EMB: variants seen among roughly 807,000 people sequenced by gnomAD.
EMB encodes the protein embigin.
Under a neutral mutation model 41.4 loss-of-function variants are expected in EMB, and 31 were observed. That is an observed-to-expected ratio of 0.75 (90% CI 0.56 to 1.01). The LOEUF (loss-of-function observed/expected upper bound fraction) is 1.01. Among genes scored for constraint, EMB ranks in the 50% least tolerant of loss-of-function variants. EMB has a pLI of 0.00. For missense variants in EMB, 379 were observed against 388.3 expected, an observed-to-expected ratio of 0.98 and a Z score of 0.20; for synonymous variants, 137 against 140.4, an observed-to-expected ratio of 0.98 and a Z score of 0.17.
chr5:50,411,489 T>C (rs971411765), intron 2 of EMB, 106 bp from the exon 3 acceptor site: 3 of 738,726 alleles, frequency 4.1e-6, no homozygotes, highest in Non-Finnish European at 6.1e-6. Flanking sequence ...AATTTCTTAA[T>C]GTAACATTCA....
At chr5:50,431,990 T>C (rs1745727805) in intron 1 of EMB, among the ~76,000 whole-genome samples, 1 of 152,240 alleles carries the variant, frequency 6.6e-6, no homozygotes, top group Non-Finnish European at 1.5e-5. Flanking sequence ...TATAATTTAT[T>C]CTATTAACAC....
At chr5:50,411,563 C>A in intron 2 of EMB, 180 bp from the exon 3 acceptor site, 2 of 467,270 alleles carry the variant, frequency 4.3e-6, no homozygotes, top group Non-Finnish European at 7.5e-6. Context: ...TATATGCACA[C>A]CTAAAGAAAA....
At chr5:50,428,070 CAGT>C (rs1476904402) in intron 2 of EMB, 71 bp downstream of exon 2, 1 of 1,028,246 alleles carries the variant, frequency 9.7e-7, no homozygotes, top group African/African-American at 1.6e-5. Context: ...AAGCAAAAAG[CAGT>C]AGCTTTGTTT....
rs1273320726 is a variant in EMB, at chr5:50,397,354, T to A, written c.*1919A>T. ...CCTATTTAAGGTTACTGAGATAAAT[T>A]GTCTTTGCTAGAAAAAAATAAACAG... On this transcript the variant is annotated 3_prime_UTR_variant, in exon 9 of 9. Transcript: ENST00000303221. The A allele has an allele frequency of 6.6e-6, 1 of 152,102 alleles. No homozygotes were observed. Among genetic ancestry groups the A allele is most frequent in the African/African-American group, 2.4e-5 (1 of 41,440 alleles). 9.4% of individuals were successfully genotyped at this position (152,102 alleles called of 1,614,324 possible).
chr5:50,402,173 T>C (rs569233728), intron 7 of EMB, 113 bp downstream of exon 7: 10 of 1,114,670 alleles, frequency 9.0e-6, no homozygotes, highest in East Asian at 2.5e-5. Flanking sequence ...CGTGGACATA[T>C]ACAGAAAATA....
intron 4 of EMB, among the ~76,000 whole-genome samples, chr5:50,408,758 C>A (rs1463309523): frequency 1.3e-5 from 2 of 151,960 alleles, no homozygotes; most frequent in African/African-American, 4.8e-5. Flanking sequence ...TATAATAGGA[C>A]ATTTATAAAA....
intron 2 of EMB, among the ~76,000 whole-genome samples, chr5:50,417,208 A>T (rs546186257): frequency 6.6e-6 from 1 of 152,336 alleles, no homozygotes; most frequent in South Asian, 2.1e-4. Flanking sequence ...ATGTCTATTA[A>T]ACATCCAGAA....
chr5:50,409,593 AG>A (rs1745302173), intron 4 of EMB, among the ~76,000 whole-genome samples: 1 of 151,854 alleles, frequency 6.6e-6, no homozygotes, highest in South Asian at 2.1e-4. Flanking sequence ...GGAAGGAAGG[AG>A]GCAGGAAGGG....
intron 2 of EMB, among the ~76,000 whole-genome samples, chr5:50,419,111 G>A (rs372231187): frequency 1.3e-5 from 2 of 152,188 alleles, no homozygotes; most frequent in African/African-American, 4.8e-5. Flanking sequence ...CAAGATCCAG[G>A]CTGAGGTAGC....
At chr5:50,436,933 A>G (rs1745813519) in intron 1 of EMB, among the ~76,000 whole-genome samples, 1 of 152,238 alleles carries the variant, frequency 6.6e-6, no homozygotes, top group African/African-American at 2.4e-5. Flanking sequence ...TTGTGATGAT[A>G]AATTTAGGGT....
intron 2 of EMB, among the ~76,000 whole-genome samples, chr5:50,421,174 C>A (rs984595314): frequency 1.1e-4 from 16 of 152,090 alleles, no homozygotes; most frequent in Non-Finnish European, 4.4e-5. Flanking sequence ...CAGTCAAATT[C>A]CAAGAGTATT....
intron 7 of EMB, among the ~76,000 whole-genome samples, chr5:50,401,964 C>T (rs548075077): frequency 6.1e-4 from 93 of 152,006 alleles, no homozygotes; most frequent in African/African-American, 2.2e-3. Context: ...TTACTGCACA[C>T]CTTCTGTGCA....
At chr5:50,440,783 C>CTCGCGGGGCGCTGTTCGTTCAA (rs1745893981) in intron 1 of EMB, among the ~76,000 whole-genome samples, 1 of 152,136 alleles carries the variant, frequency 6.6e-6, no homozygotes, top group Non-Finnish European at 1.5e-5. Flanking sequence ...ACGCGCCCGA[C>CTCGCGGGGCGCTGTTCGTTCAA]TCGCGGGGCG....
intron 4 of EMB, among the ~76,000 whole-genome samples, chr5:50,407,572 C>T (rs1388227057): frequency 6.6e-6 from 1 of 151,872 alleles, no homozygotes; most frequent in Admixed American, 6.6e-5. Flanking sequence ...TACCATAAAC[C>T]ATGCTTTTGT....
chr5:50,421,590 G>C (rs1745524264), intron 2 of EMB, among the ~76,000 whole-genome samples: 1 of 152,048 alleles, frequency 6.6e-6, no homozygotes, highest in Non-Finnish European at 1.5e-5. Context: ...AAAGATACAT[G>C]CACACGTATG....
At chr5:50,409,188 C>A (rs1204553356) in intron 4 of EMB, among the ~76,000 whole-genome samples, 1 of 152,094 alleles carries the variant, frequency 6.6e-6, no homozygotes, top group Admixed American at 6.6e-5. Flanking sequence ...ATCAAGAGGC[C>A]TTCCGTGTGA....
Position 50,399,972 on chromosome 5 carries a change from G to C in EMB, c.912-59C>G, listed in dbSNP as rs1579717989. ...GCTTATATTATATAAAATTAAGTCA[G>C]TACATCACTGATATGGCTATCAGGT... On this transcript the variant is annotated intron_variant, in intron 7 of 8. Coordinates refer to ENST00000303221, the MANE Select transcript of EMB (RefSeq NM_198449.3). The C allele has an allele frequency of 8.0e-6, 9 of 1,118,580 alleles. No individual in the cohort carries two copies. The East Asian group carries it at 2.3e-4, about 29-fold the overall frequency. 69.3% of individuals were successfully genotyped at this position (1,118,580 alleles called of 1,614,324 possible).
At chr5:50,408,699 A>C (rs1387979044) in intron 4 of EMB, among the ~76,000 whole-genome samples, 1 of 152,076 alleles carries the variant, frequency 6.6e-6, no homozygotes, top group African/African-American at 2.4e-5. Context: ...AAGAAAAGAT[A>C]ATTATTCTTC....
intron 2 of EMB, among the ~76,000 whole-genome samples, chr5:50,416,068 G>A (rs1321664939): frequency 6.6e-6 from 1 of 152,218 alleles, no homozygotes; most frequent in East Asian, 1.9e-4. Flanking sequence ...AGTTTGCTGT[G>A]CTTCTGCAGT....
Sources: allele counts gnomAD v4.1 joint callset (sites outside exome capture counted in the v4.1 genomes callset), GRCh38; gene constraint gnomAD v4.1.1; transcripts MANE v1.5; gene names NCBI Gene and HGNC (gene_info 2026-07-23, HGNC 2026-07-21).